Variants in SPEN observed in about 807,000 individuals in gnomAD.
SPEN encodes the protein msx2-interacting protein.
SPEN carries 18 observed loss-of-function variants against 269.9 expected under a neutral mutation model. The ratio of observed to expected loss-of-function variants is 0.07; its 90% CI spans 0.05 to 0.10. The LOEUF is 0.10. Ranked by LOEUF, SPEN falls within the 10% of genes least tolerant of loss-of-function variation. The pLI, the probability that SPEN is intolerant of heterozygous loss-of-function variation, is 1.00. For missense variants in SPEN, 3,822 were observed against 4,631.2 expected (o/e 0.83, Z 5.07); for synonymous variants, 1,726 against 1,765.7 (o/e 0.98, Z 0.56).
In SPEN at chr1:15,920,966, G is replaced by A. The variant is rs763959899; in HGVS notation, c.1732G>A (p.Gly578Ser). The A allele has an allele frequency of 7.5e-6, 12 of 1,605,986 alleles. No homozygotes were observed. The highest frequency in any genetic ancestry group is 4.0e-5 in the African/African-American group (3 of 74,634). The change falls in exon 9 of 15, where the codon GGT becomes AGT. Residue 578 changes from glycine to serine, a missense_variant. Physicochemically the swap from Gly to Ser is moderately conservative, Grantham distance 56. Coordinates refer to ENST00000375759, the MANE Select transcript of SPEN (RefSeq NM_015001.3). ...AAAAGAGACCAAAGGGAGGAAAATC[G>A]GTGGGAATAAAATTAAGGTGTGCAG... is the stretch of plus-strand genomic sequence containing the variant. ...AVKETKGRKI[G>S]GNKIKVDFAN...
intron 3 of SPEN, among the ~76,000 whole-genome samples, chr1:15,878,464 C>A (rs974585191): frequency 2.6e-5 from 4 of 152,130 alleles, no homozygotes; most frequent in Admixed American, 2.6e-4. Context: ...ATGAAAGTTA[C>A]GTTCTATGCC....
At chr1:15,851,992 A>AG (rs2070341108) in intron 1 of SPEN, among the ~76,000 whole-genome samples, 1 of 152,226 alleles carries the variant, frequency 6.6e-6, no homozygotes, top group Non-Finnish European at 1.5e-5. Context: ...GGGGAAAAAA[A>AG]AAGAATGAGA....
At chr1:15,902,476 G>C (rs188047692) in intron 3 of SPEN, among the ~76,000 whole-genome samples, 5 of 152,070 alleles carry the variant, frequency 3.3e-5, no homozygotes, top group East Asian at 1.9e-4. Context: ...AAAAAAATGA[G>C]ATGTGGAAGT....
chr1:15,914,851 C>T lies in SPEN; in HGVS notation c.1244-1277C>T, dbSNP rs543491840. 1.2e-4 allele frequency among the ~76,000 whole-genome samples: 19 copies of T among 152,032 alleles called. No individual in the cohort carries two copies. The East Asian group carries it at 2.9e-3, about 23-fold the overall frequency. On this transcript the variant is annotated intron_variant, in intron 5 of 14. Coordinates refer to ENST00000375759, the MANE Select transcript of SPEN (RefSeq NM_015001.3). ...AAGAAAAAAAAGAAGAAGAAGAAGC[C>T]GTAACAATCATTTCTGTTTGTCACT...
chr1:15,878,864 G>A (rs1327672844), intron 3 of SPEN, among the ~76,000 whole-genome samples: 1 of 150,572 alleles, frequency 6.6e-6, no homozygotes, highest in Non-Finnish European at 1.5e-5. Flanking sequence ...ACAAAAATTA[G>A]CCAGGCATGG....
intron 3 of SPEN, among the ~76,000 whole-genome samples, chr1:15,890,801 A>C (rs927692870): frequency 6.6e-6 from 1 of 152,118 alleles, no homozygotes; most frequent in African/African-American, 2.4e-5. Context: ...CCCCCAGCCC[A>C]AGGCAACTGC....
intron 10 of SPEN, among the ~76,000 whole-genome samples, chr1:15,924,502 C>A (rs1005214716): frequency 2.0e-5 from 3 of 151,868 alleles, no homozygotes; most frequent in Non-Finnish European, 4.4e-5. Flanking sequence ...CTTTCGTTGC[C>A]CAGGCTGGAG....
In SPEN at chr1:15,882,612, A is replaced by G. The variant is rs2070697259; in HGVS notation, c.881+5934A>G. Reference sequence around the variant, plus strand: ...GAGATGGAGGTTGCAGTGAGCCAAGATCGTACCACTGCACTCCAGCCTGGG... The same window carrying G: ...GAGATGGAGGTTGCAGTGAGCCAAGGTCGTACCACTGCACTCCAGCCTGGG... On this transcript the variant is annotated intron_variant, in intron 3 of 14. Coordinates refer to ENST00000375759, the MANE Select transcript of SPEN (RefSeq NM_015001.3). Among the ~76,000 whole-genome samples, 2 of 152,210 alleles carry G rather than the reference A, an allele frequency of 1.3e-5. 1 individual carries two copies. Among genetic ancestry groups the G allele is most frequent in the South Asian group, 4.1e-4 (2 of 4,828 alleles).
At position 15,939,460 on chromosome 1, in the gene SPEN, C is replaced by A; in HGVS notation, c.*33C>A. 1 of 1,525,412 alleles carries A rather than the reference C, an allele frequency of 6.6e-7. No individual in the cohort carries two copies. Among genetic ancestry groups the A allele is most frequent in the Non-Finnish European group, 8.8e-7 (1 of 1,131,880 alleles). 94.5% of individuals were successfully genotyped at this position (1,525,412 alleles called of 1,614,324 possible). A position where few individuals can be genotyped will look rare whatever the true frequency, so the allele number is the denominator to read the frequency against. On this transcript the variant is annotated 3_prime_UTR_variant, in exon 15 of 15. Coordinates refer to ENST00000375759, the MANE Select transcript of SPEN (RefSeq NM_015001.3). The surrounding 1 kb of genome is among the most constrained non-coding windows in gnomAD (Gnocchi z 4.1). ...AGTGGTTATCACCTCAGTGAATCTT[C>A]CCAGGGCTCTGCAGTAAAAACAAAG...
At chr1:15,912,532 T>C (rs1347219558) in intron 5 of SPEN, among the ~76,000 whole-genome samples, 1 of 152,206 alleles carries the variant, frequency 6.6e-6, no homozygotes, top group Non-Finnish European at 1.5e-5. Context: ...GTAGTTCCCC[T>C]GGTGAGGATG....
At chr1:15,936,382 T>C in intron 11 of SPEN, 116 bp downstream of exon 11, 1 of 1,388,010 alleles carries the variant, frequency 7.2e-7, no homozygotes, top group South Asian at 1.8e-5. Context: ...GGCTTATGCC[T>C]GTAATCCCAG....
chr1:15,907,014 A>G (rs1570033862), intron 3 of SPEN, among the ~76,000 whole-genome samples: 1 of 152,142 alleles, frequency 6.6e-6, no homozygotes, highest in Non-Finnish European at 1.5e-5. Flanking sequence ...CCTGGCCTCA[A>G]GCAGTCCTCC....
intron 2 of SPEN, chr1:15,873,427 C>T (rs2070601108): frequency 1.8e-6 from 2 of 1,110,942 alleles, no homozygotes; most frequent in Non-Finnish European, 2.2e-6. Context: ...CTTATTCCTT[C>T]TCTTGGATAA....
At chr1:15,874,443 T>C in intron 2 of SPEN, 1 of 1,277,956 alleles carries the variant, frequency 7.8e-7, no homozygotes, top group South Asian at 1.3e-5. Flanking sequence ...CTAACCCAAG[T>C]CAAACTCTCT....
chr1:15,899,297 G>A (rs1369380299), intron 3 of SPEN, among the ~76,000 whole-genome samples: 3 of 151,810 alleles, frequency 2.0e-5, no homozygotes, highest in African/African-American at 2.4e-5. Flanking sequence ...CAGCACCCCC[G>A]CCAAGTAGCT....
intron 1 of SPEN, among the ~76,000 whole-genome samples, chr1:15,863,890 T>C (rs546582018): frequency 2.0e-4 from 30 of 152,254 alleles, no homozygotes; most frequent in African/African-American, 7.0e-4. Flanking sequence ...AGCAATACTA[T>C]TCACAATAGC....
chr1:15,914,402 AAC>A (rs2071037990), intron 5 of SPEN, among the ~76,000 whole-genome samples: 1 of 152,248 alleles, frequency 6.6e-6, no homozygotes, highest in African/African-American at 2.4e-5. Flanking sequence ...AAGAAAAAAG[AAC>A]ACACAGTAGT....
In SPEN at chr1:15,937,466, C is replaced by T. The variant is rs2071287829; in HGVS notation, c.10330C>T (p.Pro3444Ser). The T allele has an allele frequency of 1.2e-6, 2 of 1,613,890 alleles. No homozygotes were observed. The highest frequency in any genetic ancestry group is 1.3e-5 in the African/African-American group (1 of 74,892). Reference protein sequence around the residue: ...PVSVSMKPDLPVSLPTQTAPK... With the variant: ...PVSVSMKPDLSVSLPTQTAPK... Reference sequence around the variant, plus strand: ...GTCTGTCTCCATGAAGCCTGACCTTCCAGTCTCTCTTCCCACTCAGACTGC... The same window carrying T: ...GTCTGTCTCCATGAAGCCTGACCTTTCAGTCTCTCTTCCCACTCAGACTGC... The change falls in exon 12 of 15, where the codon CCA becomes TCA. Residue 3444 changes from proline (P) to serine (S), a missense_variant. By Grantham distance (74) the Pro-to-Ser change is moderately conservative. This residue lies in a region of SPEN where 359 missense variants were observed against 377.3 expected (regional missense o/e 0.95). Coordinates refer to ENST00000375759, the MANE Select transcript of SPEN (RefSeq NM_015001.3). This position sits in a 1 kb window ranked among gnomAD's most constrained non-coding sequence, Gnocchi z 5.7.
chr1:15,904,479 T>TAAAAAAAAACAAAAAAAAAA (rs1557750239), intron 3 of SPEN, among the ~76,000 whole-genome samples: 1 of 81,094 alleles, frequency 1.2e-5, no homozygotes, highest in Admixed American at 1.6e-4. Context: ...AAAAAAAAAG[T>TAAAAAAAAACAAAAAAAAAA]GAACTAAAAA....
Sources: gnomAD v4.1 joint callset for allele counts (sites outside exome capture counted in the v4.1 genomes callset) on GRCh38, gnomAD v4.1.1 for gene constraint, gnomAD v4.1.1 regional missense constraint, Gnocchi (gnomAD v3.1) non-coding constraint, MANE v1.5 for transcripts, NCBI Gene and HGNC (gene_info 2026-07-23, HGNC 2026-07-21) for gene names.